The following SVOPL variants were observed in gnomAD, a reference collection of about 807,000 sequenced individuals.
The protein encoded by SVOPL is putative transporter SVOPL.
In SVOPL, 60 loss-of-function variants were observed where a neutral mutation model predicts 61.0. That is an observed-to-expected ratio of 0.98 (90% CI 0.80 to 1.22). The LOEUF is 1.22. Ranked by LOEUF, SVOPL falls within the 50% of genes most tolerant of loss-of-function variation. The pLI is 0.00. For synonymous variants in SVOPL, 279 were observed against 250.0 expected (o/e 1.12, Z -1.09); for missense variants, 662 against 643.9 (o/e 1.03, Z -0.30).
chr7:138,630,649 CAAGT>C (rs555568525), intron 9 of SVOPL, among the ~76,000 whole-genome samples: 22 of 152,080 alleles, frequency 1.4e-4, no homozygotes, highest in Non-Finnish European at 2.4e-4. Context: ...TGGATAAAAA[CAAGT>C]AAGAATGGGC....
chr7:138,652,353 G>A (rs932931122), intron 7 of SVOPL, among the ~76,000 whole-genome samples: 11 of 151,672 alleles, frequency 7.3e-5, no homozygotes, highest in Non-Finnish European at 1.2e-4. Flanking sequence ...TGTCTGGCCC[G>A]ATTTTTTGAT....
intron 14 of SVOPL, among the ~76,000 whole-genome samples, chr7:138,610,883 A>G (rs181136777): frequency 1.3e-5 from 2 of 152,342 alleles, no homozygotes; most frequent in Non-Finnish European, 2.9e-5. Flanking sequence ...AGCGCCACTT[A>G]GCAAATCCAG....
intron 14 of SVOPL, among the ~76,000 whole-genome samples, chr7:138,605,070 GAA>G (rs1798693809): frequency 6.6e-6 from 1 of 150,894 alleles, no homozygotes; most frequent in Non-Finnish European, 1.5e-5. Flanking sequence ...AAAAAAATGT[GAA>G]AGAGAAAATA....
Position 138,693,529 on chromosome 7 carries a change from AAAAGAAAGAAAG to A in SVOPL, c.-35+7637_-35+7648del, listed in dbSNP as rs745407235. On this transcript the variant is annotated intron_variant, in intron 1 of 15. Coordinates refer to ENST00000674285, the MANE Select transcript of SVOPL (RefSeq NM_001139456.2). ...AAGGAAAGAAAGAAGAAAAGAAAGA[AAAAGAAAGAAAG>A]AAAGAAAGAAAGAAAGAAAGAAAGA... 8.6e-3 allele frequency among the ~76,000 whole-genome samples: 1,006 copies of A among 117,178 alleles called. 12 individuals are homozygous for A. The highest frequency in any genetic ancestry group is 0.048 in the East Asian group (195 of 4,092). The allele number at this position is 117,178 out of a possible 152,430, so 76.9% of individuals were successfully genotyped here.
chr7:138,611,636 A>G (rs556178444), intron 14 of SVOPL, among the ~76,000 whole-genome samples: 5 of 152,156 alleles, frequency 3.3e-5, no homozygotes, highest in African/African-American at 9.6e-5. Flanking sequence ...AGGCATTTAT[A>G]TAGGACAAAA....
chr7:138,611,881 C>T (rs1406860442), intron 14 of SVOPL, among the ~76,000 whole-genome samples: 20 of 75,440 alleles, frequency 2.7e-4, no homozygotes, highest in African/African-American at 4.6e-4. Flanking sequence ...GGCCGCCACC[C>T]CGTCTGGGAG....
chr7:138,637,670 G>T (rs1472162815), intron 9 of SVOPL, among the ~76,000 whole-genome samples: 1 of 151,934 alleles, frequency 6.6e-6, no homozygotes, highest in East Asian at 1.9e-4. Flanking sequence ...AAACCAAATC[G>T]GCCAGACGTA....
At chr7:138,602,215 G>GA (rs766501660) in intron 14 of SVOPL, among the ~76,000 whole-genome samples, 145 of 151,604 alleles carry the variant, frequency 9.6e-4, no homozygotes, top group South Asian at 1.7e-3. Context: ...CCCATCTCTT[G>GA]AAAAAAAATA....
intron 1 of SVOPL, among the ~76,000 whole-genome samples, chr7:138,688,375 T>C (rs1406151944): frequency 6.6e-6 from 1 of 152,002 alleles, no homozygotes; most frequent in Non-Finnish European, 1.5e-5. Context: ...GTTCAAGTGA[T>C]TCTCCTGCCT....
chr7:138,671,824 T>C (rs1034518676), intron 4 of SVOPL, among the ~76,000 whole-genome samples, 195 bp downstream of exon 4: 1 of 152,202 alleles, frequency 6.6e-6, no homozygotes, highest in Non-Finnish European at 1.5e-5. Flanking sequence ...CTCATGTGGA[T>C]AGTAAGCAGT....
intron 1 of SVOPL, among the ~76,000 whole-genome samples, chr7:138,692,395 T>C (rs1802961668): frequency 6.6e-6 from 1 of 152,110 alleles, no homozygotes; most frequent in South Asian, 2.1e-4. Flanking sequence ...TGAGCATGAA[T>C]TCCATTCTAT....
intron 7 of SVOPL, among the ~76,000 whole-genome samples, chr7:138,654,272 A>G (rs1801591963): frequency 6.6e-6 from 1 of 152,234 alleles, no homozygotes; most frequent in South Asian, 2.1e-4. Flanking sequence ...CTAGAAGAGA[A>G]TAATTCATAG....
At chr7:138,680,168 CTTTTT>C (rs1232394704) in intron 1 of SVOPL, among the ~76,000 whole-genome samples, 4 of 135,268 alleles carry the variant, frequency 3.0e-5, no homozygotes, top group Admixed American at 7.6e-5. Flanking sequence ...ATGTCATTGT[CTTTTT>C]TTTTTTTTTT....
chr7:138,644,735 C>G lies in SVOPL; in HGVS notation c.771G>C (p.Lys257Asn). 6.2e-7 allele frequency: 1 copy of G among 1,614,154 alleles called. No homozygotes were observed. The highest frequency in any genetic ancestry group is 2.2e-5 in the East Asian group (1 of 44,868). The change falls in exon 9 of 16, where the codon AAG (lysine) becomes AAC (asparagine). Residue 257 changes from lysine to asparagine, a missense_variant. Lys to Asn is a moderately conservative substitution (Grantham distance 94). Coordinates refer to ENST00000674285, the MANE Select transcript of SVOPL (RefSeq NM_001139456.2). ...KMNRSVMPEGKLVEPVLEKRG... is the reference protein window; with the variant it reads ...KMNRSVMPEGNLVEPVLEKRG... ...CACTCACCAGGACGGGCTCCACCAG[C>G]TTCCCCTCCGGCATGACCGAGCGGT...
intron 13 of SVOPL, chr7:138,624,948 C>A (rs572630922): frequency 1.3e-5 from 2 of 152,190 alleles, no homozygotes; most frequent in East Asian, 1.9e-4. Context: ...GTGATTCTCC[C>A]ACCTCAGCCT....
At chr7:138,634,147 G>C (rs529962571) in intron 9 of SVOPL, among the ~76,000 whole-genome samples, 18 of 152,304 alleles carry the variant, frequency 1.2e-4, no homozygotes, top group African/African-American at 4.1e-4. Context: ...TGCCTTGGCG[G>C]TGATGCCATC....
chr7:138,641,671 C>CAA (rs34649341), intron 9 of SVOPL, among the ~76,000 whole-genome samples: 1,224 of 101,020 alleles, frequency 0.012, 30 homozygotes, highest in Admixed American at 0.021. Context: ...AACTCCATCT[C>CAA]AAAAAAAAAA....
chr7:138,671,758 C>A (rs554452861), intron 4 of SVOPL, among the ~76,000 whole-genome samples: 1 of 152,290 alleles, frequency 6.6e-6, no homozygotes, highest in East Asian at 1.9e-4. Context: ...TCTTTAGTGA[C>A]CCGATTTAAC....
chr7:138,671,553 G>T (rs1333515266), intron 4 of SVOPL, among the ~76,000 whole-genome samples: 1 of 152,070 alleles, frequency 6.6e-6, no homozygotes, highest in Non-Finnish European at 1.5e-5. Flanking sequence ...TCACCATGTT[G>T]GTCAGGCTGG....
Sources: gnomAD v4.1 joint callset for allele counts (sites outside exome capture counted in the v4.1 genomes callset) on GRCh38, gnomAD v4.1.1 for gene constraint, MANE v1.5 for transcripts, NCBI Gene and HGNC (gene_info 2026-07-23, HGNC 2026-07-21) for gene names.